XRN2: variants seen among roughly 807,000 people sequenced by gnomAD.
XRN2 encodes 5'-3' exoribonuclease 2.
Under a neutral mutation model 138.5 loss-of-function variants are expected in XRN2, and 44 were observed. That is an observed-to-expected ratio of 0.32 (90% CI 0.25 to 0.41). The LOEUF is 0.41. Ranked by LOEUF, XRN2 falls within the 10% of genes least tolerant of loss-of-function variation. XRN2 has a pLI of 1.00. For missense variants in XRN2, 937 were observed against 1,169.3 expected (o/e 0.80, Z 2.90); for synonymous variants, 354 against 369.4 (o/e 0.96, Z 0.48).
intron 27 of XRN2, among the ~76,000 whole-genome samples, chr20:21,378,007 C>T (rs1474829477): frequency 6.6e-6 from 1 of 152,184 alleles, no homozygotes; most frequent in Non-Finnish European, 1.5e-5. Flanking sequence ...GTTTGTGCTT[C>T]AGGAACCGCT....
intron 1 of XRN2, among the ~76,000 whole-genome samples, chr20:21,304,425 A>G (rs533238872): frequency 1.6e-4 from 23 of 146,210 alleles, no homozygotes; most frequent in Non-Finnish European, 2.9e-4. Context: ...CATTCCCACT[A>G]TTTCTTGTTT....
At chr20:21,317,230 TTTTG>T (rs939372780) in intron 1 of XRN2, among the ~76,000 whole-genome samples, 109 of 152,314 alleles carry the variant, frequency 7.2e-4, no homozygotes, top group African/African-American at 2.4e-3. Context: ...TAGGTTATTT[TTTTG>T]TTTGTTTGTT....
intron 20 of XRN2, 40 bp downstream of exon 20, chr20:21,349,501 A>G (rs1486824053): frequency 7.2e-7 from 1 of 1,388,394 alleles, no homozygotes; most frequent in Non-Finnish European, 1.0e-6. Flanking sequence ...ACTGTGAACA[A>G]ACATAATTTT....
At chr20:21,328,364 C>T (rs1345360827) in intron 3 of XRN2, among the ~76,000 whole-genome samples, 195 bp from the exon 4 acceptor site, 5 of 152,164 alleles carry the variant, frequency 3.3e-5, no homozygotes, top group African/African-American at 1.2e-4. Context: ...CCTGATTGAG[C>T]TCAGCTTTTG....
At chr20:21,356,518 T>C in intron 22 of XRN2, 68 bp from the exon 23 acceptor site, 1 of 1,440,790 alleles carries the variant, frequency 6.9e-7, no homozygotes, top group Non-Finnish European at 9.7e-7. Flanking sequence ...CTATGAACAC[T>C]CAAGAATCTG....
chr20:21,310,643 T>C (rs757655364), intron 1 of XRN2, among the ~76,000 whole-genome samples: 7 of 152,206 alleles, frequency 4.6e-5, no homozygotes, highest in Non-Finnish European at 5.9e-5. Context: ...GGTGTGTTTT[T>C]TTCTATTCTT....
chr20:21,315,444 G>T (rs2122173249), intron 1 of XRN2, among the ~76,000 whole-genome samples: 1 of 152,244 alleles, frequency 6.6e-6, no homozygotes, highest in East Asian at 1.9e-4. Flanking sequence ...GTGCTTACTG[G>T]CCATCTGTGT....
intron 1 of XRN2, among the ~76,000 whole-genome samples, chr20:21,325,344 C>T (rs549938925): frequency 7.9e-5 from 12 of 152,288 alleles, no homozygotes; most frequent in African/African-American, 2.9e-4. Flanking sequence ...AATTGAGTAT[C>T]TCTGGCAGTG....
rs768237513 is a variant in XRN2 at position 21,357,717 on chromosome 20, T to C, written c.2199-19T>C. The C allele has an allele frequency of 1.3e-6, 2 of 1,571,502 alleles. No individual in the cohort carries two copies. The highest frequency in any genetic ancestry group is 1.7e-6 in the Non-Finnish European group (2 of 1,158,634). Reference sequence around the variant, plus strand: ...GTTACAGTTTACAGAGAGATGTTTCTTCTCTTGTTTCCTTCTAGAATAGTA... The same window carrying C: ...GTTACAGTTTACAGAGAGATGTTTCCTCTCTTGTTTCCTTCTAGAATAGTA... On this transcript the variant is annotated intron_variant, in intron 23 of 29. Coordinates refer to ENST00000377191, the MANE Select transcript of XRN2 (RefSeq NM_012255.5).
At chr20:21,320,191 G>A (rs1306275728) in intron 1 of XRN2, among the ~76,000 whole-genome samples, 8 of 151,942 alleles carry the variant, frequency 5.3e-5, no homozygotes, top group African/African-American at 9.7e-5. Context: ...TTGGTTGACA[G>A]GGTTCTTTTG....
rs144210457 is a variant in XRN2 at position 21,364,153 on chromosome 20, G to A, written c.2256-1268G>A. Among the ~76,000 whole-genome samples the A allele has an allele frequency of 5.4e-3, 825 of 152,152 alleles. 9 individuals carry two copies. The highest frequency in any genetic ancestry group is 0.019 in the African/African-American group (792 of 41,504). On this transcript the variant is annotated intron_variant, in intron 24 of 29. Transcript: ENST00000377191. ...TCACTGTGTTAGCCAGGATGGTCTC[G>A]ATCTCCTGACCTTGTGAGCCACTGC...
chr20:21,331,398 T>TCC (rs1568574884), intron 6 of XRN2, among the ~76,000 whole-genome samples, 163 bp from the exon 7 acceptor site: 13 of 94,252 alleles, frequency 1.4e-4, no homozygotes, highest in African/African-American at 4.7e-4. Context: ...TTTGGTGTTT[T>TCC]TCACACACAC....
intron 20 of XRN2, among the ~76,000 whole-genome samples, chr20:21,352,435 T>G (rs2038521356): frequency 6.6e-6 from 1 of 152,046 alleles, no homozygotes. Flanking sequence ...CCAAGCAATT[T>G]CTCCTGCCTC....
At chr20:21,320,982 C>T (rs2038033892) in intron 1 of XRN2, among the ~76,000 whole-genome samples, 1 of 152,024 alleles carries the variant, frequency 6.6e-6, no homozygotes, top group Admixed American at 6.6e-5. Flanking sequence ...TAGTCTCCTC[C>T]CAGTTGCTCT....
chr20:21,357,843 G>A, intron 24 of XRN2, 51 bp downstream of exon 24: 3 of 1,484,402 alleles, frequency 2.0e-6, no homozygotes, highest in Non-Finnish European at 2.7e-6. Context: ...CTCTGAACTT[G>A]CAAATCCATT....
At chr20:21,357,080 G>A (rs985905149) in intron 23 of XRN2, among the ~76,000 whole-genome samples, 2 of 151,902 alleles carry the variant, frequency 1.3e-5, no homozygotes, top group Admixed American at 6.6e-5. Context: ...CAATGACATC[G>A]TTTTGCTTTG....
intron 1 of XRN2, among the ~76,000 whole-genome samples, chr20:21,317,189 G>A (rs1236344791): frequency 6.6e-6 from 1 of 152,096 alleles, no homozygotes; most frequent in Non-Finnish European, 1.5e-5. Flanking sequence ...AAAGCATTTA[G>A]GCTTTGACCA....
chr20:21,326,058 A>G (rs79960785), intron 1 of XRN2, among the ~76,000 whole-genome samples: 19 of 152,358 alleles, frequency 1.2e-4, no homozygotes, highest in Admixed American at 2.0e-4. Flanking sequence ...CTAAACATCT[A>G]CATTGTCAAA....
intron 3 of XRN2, 25 bp downstream of exon 3, chr20:21,326,626 C>A: frequency 6.4e-7 from 1 of 1,572,976 alleles, no homozygotes; most frequent in South Asian, 1.2e-5. Context: ...AATTAGAAGC[C>A]TCCATTTTGT....
Sources: gnomAD v4.1 joint callset for allele counts (sites outside exome capture counted in the v4.1 genomes callset) on GRCh38, gnomAD v4.1.1 for gene constraint, MANE v1.5 for transcripts, NCBI Gene and HGNC (gene_info 2026-07-23, HGNC 2026-07-21) for gene names.